Variants in ZMPSTE24 observed in about 807,000 individuals in gnomAD.
ZMPSTE24 encodes zinc metallopeptidase STE24.
A neutral mutation model predicts 56.7 loss-of-function variants in ZMPSTE24; 48 were observed. The observed-to-expected ratio is 0.85, with a 90% confidence interval of 0.67 to 1.08. ZMPSTE24 has a LOEUF of 1.08. Among genes scored for constraint, ZMPSTE24 ranks in the 50% least tolerant of loss-of-function variants. ZMPSTE24 has a pLI of 0.00. For synonymous variants in ZMPSTE24, 172 were observed against 195.2 expected (o/e 0.88, Z 0.99); for missense variants, 503 against 548.7 (o/e 0.92, Z 0.83).
chr1:40,269,793 C>T (rs1159518884), intron 4 of ZMPSTE24, among the ~76,000 whole-genome samples, 182 bp from the exon 5 acceptor site: 1 of 152,172 alleles, frequency 6.6e-6, no homozygotes, highest in Non-Finnish European at 1.5e-5. Context: ...AATGAATTTT[C>T]AGCTGTAAAA....
At chr1:40,273,516 T>TC (rs1208318399) in intron 6 of ZMPSTE24, among the ~76,000 whole-genome samples, 449 of 10,186 alleles carry the variant, frequency 0.044, 32 homozygotes, top group East Asian at 0.1. Flanking sequence ...AAATTCTGTC[T>TC]AAAAAAAAAA....
intron 2 of ZMPSTE24, 77 bp downstream of exon 2, chr1:40,261,062 A>C: frequency 1.9e-6 from 3 of 1,549,698 alleles, no homozygotes; most frequent in Non-Finnish European, 2.7e-6. Context: ...AAAAGAGGGT[A>C]CCACACTTAC....
intron 6 of ZMPSTE24, among the ~76,000 whole-genome samples, chr1:40,272,243 A>C (rs778937622): frequency 6.6e-6 from 1 of 152,186 alleles, no homozygotes; most frequent in Non-Finnish European, 1.5e-5. Flanking sequence ...GTGGCTTGAT[A>C]CCAAATCCTG....
chr1:40,262,209 A>C (rs1015107899), intron 2 of ZMPSTE24, among the ~76,000 whole-genome samples: 3 of 152,256 alleles, frequency 2.0e-5, no homozygotes, highest in Admixed American at 2.0e-4. Flanking sequence ...ATTTTTCTTA[A>C]CAAGTATGGA....
At chr1:40,291,611 T>C (rs867491292) in intron 9 of ZMPSTE24, among the ~76,000 whole-genome samples, 1 of 152,176 alleles carries the variant, frequency 6.6e-6, no homozygotes, top group Admixed American at 6.5e-5. Flanking sequence ...GGCTTCCAAA[T>C]TAAGCTAAGA....
At position 40,292,897 on chromosome 1, in the gene ZMPSTE24, G is replaced by T; in HGVS notation, c.*228G>T. On this transcript the variant is annotated 3_prime_UTR_variant, in exon 10 of 10. Coordinates refer to ENST00000372759, the MANE Select transcript of ZMPSTE24 (RefSeq NM_005857.5). ...TTTTTAAAGGCATAGTTTTATCTTT[G>T]ACATCTAATTTACCATCAAGTTGTA... is the stretch of plus-strand genomic sequence containing the variant. 1 of 430,908 alleles carries T rather than the reference G, an allele frequency of 2.3e-6. No individual in the cohort carries two copies. The highest frequency in any genetic ancestry group is 4.2e-6 in the Non-Finnish European group (1 of 238,468). The allele number at this position is 430,908 out of a possible 1,614,324, so 26.7% of individuals were successfully genotyped here. A position where few individuals can be genotyped will look rare whatever the true frequency, so the allele number is the denominator to read the frequency against.
intron 5 of ZMPSTE24, among the ~76,000 whole-genome samples, chr1:40,270,956 AAAT>A (rs1448171299): frequency 1.8e-4 from 27 of 152,318 alleles, no homozygotes; most frequent in African/African-American, 6.5e-4. Context: ...CTGTCTCTAC[AAAT>A]AATAATTTTT....
At chr1:40,275,700 C>G (rs970307458) in intron 6 of ZMPSTE24, among the ~76,000 whole-genome samples, 1 of 141,514 alleles carries the variant, frequency 7.1e-6, no homozygotes, top group African/African-American at 2.7e-5. Flanking sequence ...TGCAGTGAGT[C>G]GAGATCGCGC....
At chr1:40,286,230 A>G (rs2124593594) in intron 8 of ZMPSTE24, among the ~76,000 whole-genome samples, 1 of 152,272 alleles carries the variant, frequency 6.6e-6, no homozygotes. Context: ...ATTGAATGAT[A>G]ATACCTCATA....
Position 40,293,235 on chromosome 1 carries a change from C to T in ZMPSTE24, c.*566C>T, listed in dbSNP as rs1287501546. 1 of 152,788 alleles carries T rather than the reference C, an allele frequency of 6.5e-6. No homozygotes were observed. The highest frequency in any genetic ancestry group is 1.5e-5 in the Non-Finnish European group (1 of 68,502). The allele number at this position is 152,788 out of a possible 1,614,324, so 9.5% of individuals were successfully genotyped here. ...ATTCTACCAAATTTTTAATTTCTTTCTTCCCTTTCTTGCTACACAGTGATC... is the reference window on the plus strand; with the variant it reads ...ATTCTACCAAATTTTTAATTTCTTTTTTCCCTTTCTTGCTACACAGTGATC... On this transcript the variant is annotated 3_prime_UTR_variant, in exon 10 of 10. Transcript: ENST00000372759.
At chr1:40,264,562 T>G (rs1019424115) in intron 2 of ZMPSTE24, among the ~76,000 whole-genome samples, 1 of 151,994 alleles carries the variant, frequency 6.6e-6, no homozygotes, top group African/African-American at 2.4e-5. Flanking sequence ...TATACCCTTT[T>G]CCCTGCCTGT....
Position 40,270,147 on chromosome 1 carries a change from C to T in ZMPSTE24, c.627+20C>T, listed in dbSNP as rs779643883. On this transcript the variant is annotated intron_variant, in intron 5 of 9. Transcript: ENST00000372759. ...TCTCTGGTGAGTAAAATCTTTATTT[C>T]GTTTTCTTTTGCAAAAGTTCCTTGG... is the stretch of plus-strand genomic sequence containing the variant. 4.3e-4 allele frequency: 698 copies of T among 1,613,250 alleles called. No individual in the cohort carries two copies. Among genetic ancestry groups the T allele is most frequent in the Non-Finnish European group, 5.5e-4 (649 of 1,179,690 alleles).
intron 7 of ZMPSTE24, among the ~76,000 whole-genome samples, chr1:40,284,206 C>G (rs1426002265): frequency 1.3e-5 from 2 of 150,894 alleles, no homozygotes; most frequent in African/African-American, 4.9e-5. Context: ...CCTGCCTCAG[C>G]CTCCCAGAGT....
At chr1:40,271,488 C>T (rs1294422969) in intron 5 of ZMPSTE24, among the ~76,000 whole-genome samples, 4 of 152,140 alleles carry the variant, frequency 2.6e-5, no homozygotes, top group African/African-American at 9.7e-5. Flanking sequence ...TCAAGTTCTA[C>T]TAATTCTTTT....
intron 6 of ZMPSTE24, 124 bp downstream of exon 6, chr1:40,272,159 T>A: frequency 1.7e-6 from 2 of 1,146,246 alleles, no homozygotes; most frequent in Non-Finnish European, 2.4e-6. Context: ...ATTTGTTATT[T>A]AAAGGCTAGG....
At chr1:40,290,793 A>G (rs536310991) in intron 8 of ZMPSTE24, 61 bp from the exon 9 acceptor site, 1 of 1,584,158 alleles carries the variant, frequency 6.3e-7, no homozygotes. Context: ...TATGGATGCT[A>G]CTGATCCCAT....
In ZMPSTE24 at chr1:40,260,999, T is replaced by C; in HGVS notation, c.270+14T>C. On this transcript the variant is annotated intron_variant, in intron 2 of 9. Transcript: ENST00000372759. ...ACTGAAGGCACTGTGAGTAATTTAC[T>C]TCTTGGAGAGACAGTCTGTCTGGTT... 1 of 1,614,048 alleles carries C rather than the reference T, an allele frequency of 6.2e-7. No individual in the cohort carries two copies. Among genetic ancestry groups the C allele is most frequent in the Non-Finnish European group, 8.5e-7 (1 of 1,179,966 alleles).
intron 2 of ZMPSTE24, among the ~76,000 whole-genome samples, chr1:40,266,893 C>T (rs975073559): frequency 6.6e-6 from 1 of 151,466 alleles, no homozygotes; most frequent in Admixed American, 6.6e-5. Flanking sequence ...TCAGCTCCCC[C>T]GAGTAGCTGG....
chr1:40,271,179 C>G (rs919039373), intron 5 of ZMPSTE24, among the ~76,000 whole-genome samples: 1 of 152,178 alleles, frequency 6.6e-6, no homozygotes, highest in Admixed American at 6.5e-5. Flanking sequence ...GTCCTCCTGC[C>G]TTGGCCTCCT....
Sources: gnomAD v4.1 joint callset for allele counts (sites outside exome capture counted in the v4.1 genomes callset) on GRCh38, gnomAD v4.1.1 for gene constraint, MANE v1.5 for transcripts, NCBI Gene and HGNC (gene_info 2026-07-23, HGNC 2026-07-21) for gene names.